The following MTG1 variants were observed in gnomAD, a reference collection of about 807,000 sequenced individuals.
MTG1 encodes the protein mitochondrial ribosome-associated GTPase 1.
MTG1 carries 30 observed loss-of-function variants against 39.5 expected under a neutral mutation model. That is an observed-to-expected ratio of 0.76 (90% CI 0.57 to 1.03). The LOEUF is 1.03. Ranked by LOEUF, MTG1 falls within the 50% of genes least tolerant of loss-of-function variation. The probability of loss-of-function intolerance (pLI) is 0.00; values close to 1 mark genes in which losing one functional copy is unlikely to be tolerated. For missense variants in MTG1, 513 were observed against 447.4 expected (o/e 1.15, Z -1.32); for synonymous variants, 217 against 179.0 (o/e 1.21, Z -1.69).
Position 133,399,160 on chromosome 10 carries a change from T to G in MTG1, c.364-10T>G, listed in dbSNP as rs2133494615. ...CCTGGGGTGGCTCCATGAGTGGGTGTTTGTTGCAGATCATCCCGATGGTCA... is the reference window on the plus strand; with the variant it reads ...CCTGGGGTGGCTCCATGAGTGGGTGGTTGTTGCAGATCATCCCGATGGTCA... On this transcript the variant is annotated splice_polypyrimidine_tract_variant and intron_variant, in intron 4 of 10. Coordinates refer to ENST00000317502, the MANE Select transcript of MTG1 (RefSeq NM_138384.4). 3 of 1,614,140 alleles carry G rather than the reference T, an allele frequency of 1.9e-6. No individual in the cohort carries two copies. The East Asian group carries it at 6.7e-5, about 36-fold the overall frequency.
In MTG1 at chr10:133,396,249, G is replaced by A. The variant is rs200059568; in HGVS notation, c.264G>A (p.Ala88=). Residue 88 remains alanine (A), a synonymous_variant, in exon 3 of 11, where the codon GCG becomes GCA. Coordinates refer to ENST00000317502, the MANE Select transcript of MTG1 (RefSeq NM_138384.4). ...TGGTCCTCAACAAGATGGACTTGGCGGATCTTACAGAGCAGCAGGTAAAGG... is the reference window on the plus strand; with the variant it reads ...TGGTCCTCAACAAGATGGACTTGGCAGATCTTACAGAGCAGCAGGTAAAGG... The part of the protein sequence containing the change: ...HLLVLNKMDL[A]DLTEQQKIMQ... 125 of 1,613,932 alleles carry A rather than the reference G, an allele frequency of 7.7e-5. No individual in the cohort carries two copies. The highest frequency in any genetic ancestry group is 8.9e-5 in the East Asian group (4 of 44,898).
chr10:133,399,992 A>C (rs1849849667), intron 6 of MTG1, among the ~76,000 whole-genome samples: 1 of 152,126 alleles, frequency 6.6e-6, no homozygotes, highest in Admixed American at 6.5e-5. Context: ...GGAGATTGAG[A>C]CCATTCTTGC....
In MTG1 at chr10:133,419,206, C is replaced by T. The variant is rs1009444583; in HGVS notation, c.753-274C>T. The stretch of plus-strand genomic sequence containing the variant: ...ACAGCTGTTACTCCTCCCGCTGCGG[C>T]AAGGGCTCCGGTGGTGGGAGCCGCC... On this transcript the variant is annotated intron_variant, in intron 9 of 10. Transcript: ENST00000317502. 3.3e-5 allele frequency among the ~76,000 whole-genome samples: 5 copies of T among 152,360 alleles called. No individual in the cohort carries two copies. The East Asian group carries it at 9.6e-4, about 29-fold the overall frequency.
At position 133,402,655 on chromosome 10, in the gene MTG1, C is replaced by T. The variant is rs1273073712; in HGVS notation, c.671-37C>T. 2.8e-5 allele frequency: 43 copies of T among 1,551,280 alleles called. No individual in the cohort carries two copies. Among genetic ancestry groups the T allele is most frequent in the Non-Finnish European group, 3.8e-5 (43 of 1,140,486 alleles). On this transcript the variant is annotated intron_variant, in intron 8 of 10. Transcript: ENST00000317502. The surrounding 1 kb of genome is among the most constrained non-coding windows in gnomAD (Gnocchi z 4.7). The stretch of plus-strand genomic sequence containing the variant: ...GAACTTGGCAGGAACATAGATGTGG[C>T]TGTTTCCAGTGCTCACCTCGGCTGC...
chr10:133,420,438 T>TG lies in MTG1; in HGVS notation c.*275dup, dbSNP rs1210956991. The TG allele has an allele frequency of 2.4e-6, 1 of 414,896 alleles. No individual in the cohort carries two copies. Among genetic ancestry groups the TG allele is most frequent in the Non-Finnish European group, 4.3e-6 (1 of 235,194 alleles). The allele number at this position is 414,896 out of a possible 1,614,324, so 25.7% of individuals were successfully genotyped here. A position where few individuals can be genotyped will look rare whatever the true frequency, so the allele number is the denominator to read the frequency against. ...CTTCCTGCTCAGGCCTCTTGAGAAA[T>TG]GGATGCTGTCTCAGAAGGAGTTAAA... is the stretch of plus-strand genomic sequence containing the variant. On this transcript the variant is annotated 3_prime_UTR_variant, in exon 11 of 11. Coordinates refer to ENST00000317502, the MANE Select transcript of MTG1 (RefSeq NM_138384.4).
Position 133,402,745 on chromosome 10 carries a change from T to G in MTG1, c.724T>G (p.Tyr242Asp). The G allele has an allele frequency of 1.2e-6, 2 of 1,608,092 alleles. No homozygotes were observed. Among genetic ancestry groups the G allele is most frequent in the Non-Finnish European group, 1.7e-6 (2 of 1,177,682 alleles). ...GGAGACCATGGCTGACTACCTGCTG[T>G]ACACCCTCAACAAACACCAGCGCTT... ...GEETMADYLL[Y>D]TLNKHQRFGY... Residue 242 changes from tyrosine to aspartate, a missense_variant, in exon 9 of 11, where the codon TAC (tyrosine) becomes GAC (aspartate). Coordinates refer to ENST00000317502, the MANE Select transcript of MTG1 (RefSeq NM_138384.4). This position sits in a 1 kb window ranked among gnomAD's most constrained non-coding sequence, Gnocchi z 4.7.
At chr10:133,410,334 A>G (rs971326928) in intron 9 of MTG1, among the ~76,000 whole-genome samples, 2 of 152,122 alleles carry the variant, frequency 1.3e-5, no homozygotes, top group Non-Finnish European at 2.9e-5. Flanking sequence ...TGGGATTACA[A>G]ATGTGAGCCA....
rs1850213050 is a variant in MTG1, at chr10:133,420,397, C to G, written c.*232C>G. 2.2e-6 allele frequency: 1 copy of G among 449,078 alleles called. No homozygotes were observed. Among genetic ancestry groups the G allele is most frequent in the Non-Finnish European group, 3.9e-6 (1 of 257,464 alleles). 27.8% of individuals were successfully genotyped at this position (449,078 alleles called of 1,614,324 possible). On this transcript the variant is annotated 3_prime_UTR_variant, in exon 11 of 11. Coordinates refer to ENST00000317502, the MANE Select transcript of MTG1 (RefSeq NM_138384.4). Reference sequence around the variant, plus strand: ...GGACGTCCCTGAGCAGCTCCGCATGCTTGGTTCTCCCGGAGCTTCCTGCTC... The same window carrying G: ...GGACGTCCCTGAGCAGCTCCGCATGGTTGGTTCTCCCGGAGCTTCCTGCTC...
rs1564818993 is a variant in MTG1 at position 133,399,618 on chromosome 10, A to G, written c.510A>G (p.Lys170=). ...INSLRRQHLR[K]GKATRVGGEP... is the part of the protein sequence containing the mutation. ...CCCTCCGGAGGCAGCACCTCAGGAA[A>G]GGTACTGGCGCGTGCGGCTGATCAC... Residue 170 remains lysine (K), a splice_region_variant and synonymous_variant, in exon 6 of 11, where the codon AAA becomes AAG. Coordinates refer to ENST00000317502, the MANE Select transcript of MTG1 (RefSeq NM_138384.4). The G allele has an allele frequency of 2.5e-6, 4 of 1,613,372 alleles. No homozygotes were observed. Among genetic ancestry groups the G allele is most frequent in the African/African-American group, 2.7e-5 (2 of 74,892 alleles).
At chr10:133,419,835 G>T (rs144616651) in intron 10 of MTG1, among the ~76,000 whole-genome samples, 191 bp from the exon 11 acceptor site, 2 of 152,194 alleles carry the variant, frequency 1.3e-5, no homozygotes, top group African/African-American at 4.8e-5. Context: ...GACACCTGCA[G>T]GCCTCACATG....
chr10:133,411,944 C>CA (rs1395307398), intron 9 of MTG1, among the ~76,000 whole-genome samples: 1 of 151,962 alleles, frequency 6.6e-6, no homozygotes, highest in East Asian at 1.9e-4. Context: ...TAGGGTTGGC[C>CA]ACTGGCTCTT....
In MTG1 at chr10:133,421,902, GC is replaced by G. The variant is rs201491408; in HGVS notation, c.*1738del. ...GAGAGGGTGAGATCCCAAGGCCACG[GC>G]GGGGGGCAGGGAGAACCCCTCCTAC... On this transcript the variant is annotated 3_prime_UTR_variant, in exon 11 of 11. Coordinates refer to ENST00000317502, the MANE Select transcript of MTG1 (RefSeq NM_138384.4). 0.033 allele frequency: 4,854 copies of G among 146,060 alleles called. 764 individuals are homozygous for G. The highest frequency in any genetic ancestry group is 0.11 in the African/African-American group (4,495 of 40,514). 9.0% of individuals were successfully genotyped at this position (146,060 alleles called of 1,614,324 possible). A position where few individuals can be genotyped will look rare whatever the true frequency, so the allele number is the denominator to read the frequency against.
Position 133,410,245 on chromosome 10 carries a change from C to T in MTG1, c.752+7472C>T, listed in dbSNP as rs539674350. Among the ~76,000 whole-genome samples, 13 of 152,046 alleles carry T rather than the reference C, an allele frequency of 8.6e-5. No homozygotes were observed. In the East Asian group the frequency reaches 1.2e-3, roughly 14 times the overall value. ...TTTATTTATTTATTTTTTGTAGAGGCGAGGTCTTGCTATGTTGCTGAGGCT... is the reference window on the plus strand; with the variant it reads ...TTTATTTATTTATTTTTTGTAGAGGTGAGGTCTTGCTATGTTGCTGAGGCT... On this transcript the variant is annotated intron_variant, in intron 9 of 10. Coordinates refer to ENST00000317502, the MANE Select transcript of MTG1 (RefSeq NM_138384.4).
chr10:133,401,079 C>T (rs1849868008), intron 6 of MTG1, among the ~76,000 whole-genome samples: 3 of 152,210 alleles, frequency 2.0e-5, no homozygotes, highest in Admixed American at 2.0e-4. Context: ...CCTAGAGCAG[C>T]CAGTCGCCTG....
At chr10:133,418,835 G>A (rs1241526683) in intron 9 of MTG1, among the ~76,000 whole-genome samples, 7 of 152,198 alleles carry the variant, frequency 4.6e-5, no homozygotes, top group Non-Finnish European at 1.0e-4. Context: ...GTCCCTGTGA[G>A]TGGCTGCTCT....
chr10:133,419,127 A>G (rs1276509867), intron 9 of MTG1, among the ~76,000 whole-genome samples: 1 of 152,204 alleles, frequency 6.6e-6, no homozygotes, highest in African/African-American at 2.4e-5. Flanking sequence ...CTGGGCCTGC[A>G]CAGAGGCCTG....
In MTG1 at chr10:133,394,242, C is replaced by T. The variant is rs781005261; in HGVS notation, c.22C>T (p.Leu8=). MRLTPRA[L]CSAAQAAWRE... is the part of the protein sequence containing the mutation. ...CGCCATGAGATTGACCCCGCGCGCGCTGTGCAGCGCCGCCCAGGCCGCCTG... is the reference window on the plus strand; with the variant it reads ...CGCCATGAGATTGACCCCGCGCGCGTTGTGCAGCGCCGCCCAGGCCGCCTG... The change falls in exon 1 of 11, where the codon CTG becomes TTG. Residue 8 remains leucine (L), a synonymous_variant. Transcript: ENST00000317502. The T allele has an allele frequency of 7.3e-6, 11 of 1,515,286 alleles. No individual in the cohort carries two copies. Among genetic ancestry groups the T allele is most frequent in the Admixed American group, 2.0e-5 (1 of 48,882 alleles). The allele number at this position is 1,515,286 out of a possible 1,614,324, so 93.9% of individuals were successfully genotyped here.
chr10:133,402,215 G>A lies in MTG1; in HGVS notation c.640G>A (p.Val214Met), dbSNP rs759848833. 2.5e-6 allele frequency: 4 copies of A among 1,614,004 alleles called. No individual in the cohort carries two copies. The South Asian group carries it at 3.3e-5, about 13-fold the overall frequency. The change falls in exon 8 of 11, where the codon GTG (valine) becomes ATG (methionine). Residue 214 changes from valine (V) to methionine (M), a missense_variant. Coordinates refer to ENST00000317502, the MANE Select transcript of MTG1 (RefSeq NM_138384.4). The surrounding 1 kb of genome is among the most constrained non-coding windows in gnomAD (Gnocchi z 4.7). ...CGTGCTGGCTCCTCGGATTGAAAGTGTGGAGACAGGCCTGAAGCTGGCCCT... is the reference window on the plus strand; with the variant it reads ...CGTGCTGGCTCCTCGGATTGAAAGTATGGAGACAGGCCTGAAGCTGGCCCT... Reference protein sequence around the residue: ...PGVLAPRIESVETGLKLALCG... With the variant: ...PGVLAPRIESMETGLKLALCG...
chr10:133,400,198 A>G lies in MTG1; in HGVS notation c.511+579A>G, dbSNP rs182217442. Among the ~76,000 whole-genome samples the G allele has an allele frequency of 3.3e-4, 50 of 152,338 alleles. 1 individual carries two copies. Among genetic ancestry groups the G allele is most frequent in the Admixed American group, 1.7e-3 (26 of 15,298 alleles). ...CAGAGCGAGACTCCGTCTCAAAAAA[A>G]AAAAGAAAAGAAAAGAAAAAAAATC... is the stretch of plus-strand genomic sequence containing the variant. On this transcript the variant is annotated intron_variant, in intron 6 of 10. Coordinates refer to ENST00000317502, the MANE Select transcript of MTG1 (RefSeq NM_138384.4).
Sources: allele counts gnomAD v4.1 joint callset (sites outside exome capture counted in the v4.1 genomes callset), GRCh38; gene constraint gnomAD v4.1.1; non-coding constraint Gnocchi (gnomAD v3.1); transcripts MANE v1.5; gene names NCBI Gene and HGNC (gene_info 2026-07-23, HGNC 2026-07-21).